The following TPRG1 variants were observed in gnomAD, a reference collection of about 807,000 sequenced individuals.
TPRG1 encodes tumor protein p63 regulated 1.
In TPRG1, 29 loss-of-function variants were observed where a neutral mutation model predicts 29.3. That is an observed-to-expected ratio of 0.99 (90% confidence interval 0.74 to 1.35). The LOEUF is 1.35. Ranked by LOEUF, TPRG1 falls within the 40% of genes most tolerant of loss-of-function variation. The pLI is 0.00. For missense variants in TPRG1, 327 were observed against 335.0 expected, an observed-to-expected ratio of 0.98 and a Z score of 0.19; for synonymous variants, 130 against 116.8, an observed-to-expected ratio of 1.11 and a Z score of -0.73.
chr3:189,217,748 A>C (rs1483894442), intron 3 of TPRG1: 23 of 851,572 alleles, frequency 2.7e-5, no homozygotes, highest in Non-Finnish European at 3.1e-5. Context: ...TGAGGTTCCT[A>C]GTCTAGCCAC....
At chr3:189,130,875 C>T (rs889855215) in intron 2 of TPRG1, among the ~76,000 whole-genome samples, 11 of 152,214 alleles carry the variant, frequency 7.2e-5, no homozygotes, top group Middle Eastern at 3.4e-3. Flanking sequence ...GAATGACCTG[C>T]GTTTTAGAGA....
chr3:189,094,633 G>T (rs771583625), intron 4 of TPRG1, among the ~76,000 whole-genome samples: 2 of 152,154 alleles, frequency 1.3e-5, no homozygotes, highest in Non-Finnish European at 2.9e-5. Flanking sequence ...TCACGCAGCT[G>T]TTTGAATTAT....
chr3:189,282,170 A>T lies in TPRG1; in HGVS notation c.480-28216A>T, dbSNP rs1159696552. ...TAAATATTTGCAAATAGACCGAAAA[A>T]GTTTCTTAACCCAGGGCAATGTCAG... On this transcript the variant is annotated intron_variant, in intron 4 of 5. Coordinates refer to ENST00000345063, the MANE Select transcript of TPRG1 (RefSeq NM_198485.4). Among the ~76,000 whole-genome samples, 9 of 134,402 alleles carry T rather than the reference A, an allele frequency of 6.7e-5. 1 individual carries two copies. The Admixed American group carries it at 8.0e-4, about 12-fold the overall frequency. 88.2% of individuals were successfully genotyped at this position (134,402 alleles called of 152,430 possible).
At chr3:189,203,577 G>C (rs985552351) in intron 1 of TPRG1, among the ~76,000 whole-genome samples, 2 of 152,146 alleles carry the variant, frequency 1.3e-5, no homozygotes, top group Non-Finnish European at 2.9e-5. Context: ...TATTTTGAAT[G>C]CCTGTGTAAT....
chr3:189,136,375 C>G (rs1461424423), intron 3 of TPRG1, among the ~76,000 whole-genome samples: 1 of 152,128 alleles, frequency 6.6e-6, no homozygotes, highest in Non-Finnish European at 1.5e-5. Flanking sequence ...AAGGAGACTG[C>G]TCAGGGAGGA....
At chr3:189,201,127 G>T (rs766181202) in intron 1 of TPRG1, among the ~76,000 whole-genome samples, 1 of 152,170 alleles carries the variant, frequency 6.6e-6, no homozygotes, top group Non-Finnish European at 1.5e-5. Context: ...GGATTAACCA[G>T]ACTCCAGAAC....
rs116068669 is a variant in TPRG1 at position 189,178,059 on chromosome 3, G to A, written c.-10+5928G>A. Reference sequence around the variant, plus strand: ...TGGAGTTGGATGATGCCTGAGAACTGAGCATGCAGCAGTGTGCTGGCACAG... The same window carrying A: ...TGGAGTTGGATGATGCCTGAGAACTAAGCATGCAGCAGTGTGCTGGCACAG... On this transcript the variant is annotated intron_variant, in intron 1 of 5. Coordinates refer to ENST00000345063, the MANE Select transcript of TPRG1 (RefSeq NM_198485.4). Among the ~76,000 whole-genome samples the A allele has an allele frequency of 4.4e-3, 674 of 152,308 alleles. 4 individuals carry two copies. The highest frequency in any genetic ancestry group is 7.2e-3 in the Non-Finnish European group (491 of 68,034).
intron 4 of TPRG1, among the ~76,000 whole-genome samples, chr3:189,267,372 C>T (rs1355830700): frequency 6.6e-6 from 1 of 152,260 alleles, no homozygotes; most frequent in South Asian, 2.1e-4. Context: ...TGGCCTTGCC[C>T]TCAAATAGCT....
At chr3:189,017,230 T>TA (rs1712990450) in intron 3 of TPRG1, among the ~76,000 whole-genome samples, 4 of 150,578 alleles carry the variant, frequency 2.7e-5, no homozygotes, top group Non-Finnish European at 4.4e-5. Context: ...AAAATATATA[T>TA]TTTTTTATAT....
intron 3 of TPRG1, among the ~76,000 whole-genome samples, chr3:189,237,374 C>T (rs895505801): frequency 6.6e-6 from 1 of 152,058 alleles, no homozygotes; most frequent in Admixed American, 6.6e-5. Context: ...ATTTCCCTAC[C>T]TTCAGTATTG....
At chr3:189,136,220 T>C (rs1723727686) in intron 3 of TPRG1, among the ~76,000 whole-genome samples, 1 of 152,182 alleles carries the variant, frequency 6.6e-6, no homozygotes. Flanking sequence ...TCCACCATGA[T>C]TCCCTGTGTC....
chr3:189,144,367 T>G (rs1182346078), intron 3 of TPRG1, among the ~76,000 whole-genome samples: 1 of 152,200 alleles, frequency 6.6e-6, no homozygotes, highest in African/African-American at 2.4e-5. Context: ...TTAGGAATAT[T>G]TAGCCAAATA....
Position 189,238,861 on chromosome 3 carries a change from A to G in TPRG1, c.431A>G (p.Tyr144Cys), listed in dbSNP as rs1385628341. ...QLQRIPLSAV[Y>C]RICLGKFTFP... Reference sequence around the variant, plus strand: ...CAGCGGATTCCTCTGAGCGCTGTCTATCGCATCTGCCTGGGCAAGTTCACC... The same window carrying G: ...CAGCGGATTCCTCTGAGCGCTGTCTGTCGCATCTGCCTGGGCAAGTTCACC... The change falls in exon 4 of 6, where the codon TAT becomes TGT. Residue 144 changes from tyrosine to cysteine, a missense_variant. By Grantham distance (194) the Tyr-to-Cys change is radical. Transcript: ENST00000345063. The G allele has an allele frequency of 1.2e-6, 2 of 1,613,526 alleles. No individual in the cohort carries two copies. Among genetic ancestry groups the G allele is most frequent in the Admixed American group, 1.7e-5 (1 of 59,952 alleles).
rs573357160 is a variant in TPRG1, at chr3:189,286,008, G to A, written c.480-24378G>A. ...TGCTCTCAAAGATGGAGCTTCAGAA[G>A]TCTTGTTCTGACCCTTCTCTTGACT... On this transcript the variant is annotated intron_variant, in intron 4 of 5. Transcript: ENST00000345063. Among the ~76,000 whole-genome samples the A allele has an allele frequency of 1.8e-4, 27 of 152,200 alleles. 1 individual carries two copies. In the South Asian group the frequency reaches 5.2e-3, roughly 29 times the overall value.
intron 4 of TPRG1, among the ~76,000 whole-genome samples, chr3:189,061,141 A>G (rs537048894): frequency 2.6e-5 from 4 of 152,348 alleles, no homozygotes; most frequent in Admixed American, 2.6e-4. Context: ...AAATAAGGCC[A>G]CACATTCACA....
At chr3:189,132,043 A>G (rs1056981266) in intron 2 of TPRG1, among the ~76,000 whole-genome samples, 1 of 152,100 alleles carries the variant, frequency 6.6e-6, no homozygotes, top group Non-Finnish European at 1.5e-5. Flanking sequence ...GATCATCTCC[A>G]TGGTTCTCTC....
intron 1 of TPRG1, among the ~76,000 whole-genome samples, chr3:189,100,780 C>T (rs745671393): frequency 6.6e-5 from 10 of 152,138 alleles, no homozygotes; most frequent in South Asian, 2.1e-4. Flanking sequence ...GTTCAGACAG[C>T]GGTTGGCCCC....
intron 4 of TPRG1, among the ~76,000 whole-genome samples, chr3:189,086,143 G>A (rs1195337299): frequency 6.6e-6 from 1 of 151,590 alleles, no homozygotes; most frequent in Admixed American, 6.6e-5. Flanking sequence ...ACTAGTGTAG[G>A]TCAAAGGGTC....
intron 3 of TPRG1, among the ~76,000 whole-genome samples, chr3:189,237,866 A>G (rs1466980585): frequency 6.6e-6 from 1 of 152,200 alleles, no homozygotes; most frequent in Non-Finnish European, 1.5e-5. Flanking sequence ...GAAAAACAAA[A>G]CATGTACCAA....
Sources: gnomAD v4.1 joint callset for allele counts (sites outside exome capture counted in the v4.1 genomes callset) on GRCh38, gnomAD v4.1.1 for gene constraint, MANE v1.5 for transcripts, NCBI Gene and HGNC (gene_info 2026-07-23, HGNC 2026-07-21) for gene names.